CCN6: variants seen among roughly 807,000 people sequenced by gnomAD.
CCN6 encodes cellular communication network factor 6, also known as CCN family member 6.
CCN6 carries 31 observed loss-of-function variants against 37.4 expected under a neutral mutation model. That is an observed-to-expected ratio of 0.83 (90% CI 0.62 to 1.12). CCN6 has a LOEUF of 1.12. Among genes scored for constraint, CCN6 ranks in the 50% most tolerant of loss-of-function variants. CCN6 has a pLI of 0.00. For missense variants in CCN6, 369 were observed against 413.8 expected, an observed-to-expected ratio of 0.89 and a Z score of 0.94; for synonymous variants, 137 against 142.1, an observed-to-expected ratio of 0.96 and a Z score of 0.26.
chr6:112,069,202 G>C (rs1192899395), intron 4 of CCN6, 137 bp from the exon 5 acceptor site: 4 of 931,784 alleles, frequency 4.3e-6, no homozygotes, highest in South Asian at 1.7e-5. Context: ...AGGGTAAAGA[G>C]AGTGCTGGAA....
intron 1 of CCN6, among the ~76,000 whole-genome samples, chr6:112,060,681 C>A (rs1341400305): frequency 4.0e-5 from 6 of 151,890 alleles, no homozygotes; most frequent in African/African-American, 1.5e-4. Context: ...ACTTTAGAGG[C>A]CTTATCCATG....
Position 112,068,206 on chromosome 6 carries a change from T to G in CCN6, c.591T>G (p.Ala197=). ...TGTACTTTTCTCCCTTTGTTTTAGC[T>G]TATAGAAATCTCCCACTTATTTGGA... is the stretch of plus-strand genomic sequence containing the variant. ...QLSTSYKTMP[A]YRNLPLIWKK... is the part of the protein sequence containing the mutation. The change falls in exon 4 of 5, where the codon GCT becomes GCG. Residue 197 remains alanine (A), a splice_region_variant and synonymous_variant. Transcript: ENST00000368666. The G allele has an allele frequency of 6.2e-7, 1 of 1,609,814 alleles. No homozygotes were observed. Among genetic ancestry groups the G allele is most frequent in the Non-Finnish European group, 8.5e-7 (1 of 1,178,364 alleles).
intron 1 of CCN6, 82 bp downstream of exon 1, chr6:112,054,487 AGATG>A: frequency 2.3e-6 from 3 of 1,302,566 alleles, no homozygotes; most frequent in East Asian, 2.3e-5. Flanking sequence ...AACAAAACGA[AGATG>A]GAGGAAGAGG....
intron 1 of CCN6, 90 bp from the exon 2 acceptor site, chr6:112,060,901 T>A: frequency 3.4e-6 from 5 of 1,472,220 alleles, no homozygotes; most frequent in Non-Finnish European, 4.7e-6. Context: ...CACCACTCTG[T>A]ATACTACCTG....
chr6:112,059,988 C>T (rs1489774755), intron 1 of CCN6: 1 of 1,361,650 alleles, frequency 7.3e-7, no homozygotes, highest in Non-Finnish European at 9.8e-7. Context: ...TGAGCACAGA[C>T]CTAAAGAGAG....
intron 3 of CCN6, among the ~76,000 whole-genome samples, chr6:112,065,697 A>G (rs1384644917): frequency 6.6e-6 from 1 of 152,012 alleles, no homozygotes; most frequent in Non-Finnish European, 1.5e-5. Context: ...CCATGTATCT[A>G]TGTTCTCAGA....
intron 1 of CCN6, among the ~76,000 whole-genome samples, chr6:112,055,960 A>G (rs1030662552): frequency 6.6e-6 from 1 of 152,314 alleles, no homozygotes; most frequent in East Asian, 1.9e-4. Flanking sequence ...ATCCCATATT[A>G]CAGAGGAGAT....
chr6:112,052,980 C>T (rs1381816029), upstream of CCN6, among the ~76,000 whole-genome samples: 1 of 152,166 alleles, frequency 6.6e-6, no homozygotes, highest in African/African-American at 2.4e-5. Flanking sequence ...ACAGTAGTGA[C>T]TGCCTTGAAC....
intron 1 of CCN6, 175 bp downstream of exon 1, chr6:112,054,580 C>A: frequency 1.6e-6 from 1 of 642,576 alleles, no homozygotes; most frequent in Admixed American, 2.5e-5. Flanking sequence ...TGTGTTCGTT[C>A]ATGAGCTTCA....
At chr6:112,058,543 A>G (rs1182154053) in intron 1 of CCN6, among the ~76,000 whole-genome samples, 5 of 152,196 alleles carry the variant, frequency 3.3e-5, no homozygotes, top group Non-Finnish European at 5.9e-5. Flanking sequence ...TTACATGGGT[A>G]ATTTCAGTTT....
chr6:112,056,144 A>G (rs1248179944), intron 1 of CCN6, among the ~76,000 whole-genome samples: 2 of 152,168 alleles, frequency 1.3e-5, no homozygotes, highest in African/African-American at 2.4e-5. Context: ...GATTCTTTAT[A>G]TTTACCCACA....
Position 112,064,745 on chromosome 6 carries a change from C to T in CCN6, c.347-10C>T, listed in dbSNP as rs1583581459. 1 of 1,613,928 alleles carries T rather than the reference C, an allele frequency of 6.2e-7. No homozygotes were observed. The highest frequency in any genetic ancestry group is 1.7e-5 in the Admixed American group (1 of 60,010). On this transcript the variant is annotated splice_polypyrimidine_tract_variant and intron_variant, in intron 2 of 4. Transcript: ENST00000368666. ...GCTTCTTTGGCAATTTTGCTCTTTT[C>T]TCTTTTCAGACCTTGTAGCTGTTGG...
chr6:112,055,421 TAAACAA>T (rs1776318297), intron 1 of CCN6, among the ~76,000 whole-genome samples: 1 of 152,060 alleles, frequency 6.6e-6, no homozygotes, highest in Admixed American at 6.5e-5. Context: ...GTGTACAAAA[TAAACAA>T]CAACAAACAC....
At position 112,068,208 on chromosome 6, in the gene CCN6, A is replaced by G. The variant is rs1776757072; in HGVS notation, c.593A>G (p.Tyr198Cys). Residue 198 changes from tyrosine (Y) to cysteine (C), a missense_variant, in exon 4 of 5, where the codon TAT (tyrosine) becomes TGT (cysteine). Coordinates refer to ENST00000368666, the MANE Select transcript of CCN6 (RefSeq NM_198239.2). The part of the protein sequence containing the change: ...LSTSYKTMPA[Y>C]RNLPLIWKKK... ...TACTTTTCTCCCTTTGTTTTAGCTT[A>G]TAGAAATCTCCCACTTATTTGGAAA... 3.7e-6 allele frequency: 6 copies of G among 1,609,828 alleles called. No homozygotes were observed. The highest frequency in any genetic ancestry group is 1.3e-5 in the African/African-American group (1 of 74,748).
intron 3 of CCN6, 47 bp downstream of exon 3, chr6:112,065,044 C>A (rs1011722012): frequency 1.2e-6 from 2 of 1,611,928 alleles, no homozygotes; most frequent in East Asian, 4.5e-5. Context: ...TGGTGGTATT[C>A]CTTCATGTTC....
At position 112,061,160 on chromosome 6, in the gene CCN6, G is replaced by A; in HGVS notation, c.218G>A (p.Gly73Glu). 6.2e-7 allele frequency: 1 copy of A among 1,614,162 alleles called. No individual in the cohort carries two copies. ...PGVSLVRDGC[G>E]CCKICAKQPG... Reference sequence around the variant, plus strand: ...GTGAGCCTGGTGAGAGATGGCTGTGGATGCTGTAAAATCTGTGCCAAGCAA... The same window carrying A: ...GTGAGCCTGGTGAGAGATGGCTGTGAATGCTGTAAAATCTGTGCCAAGCAA... Residue 73 changes from glycine to glutamate, a missense_variant, in exon 2 of 5, where the codon GGA becomes GAA. Physicochemically the swap from Gly to Glu is moderately conservative, Grantham distance 98. Transcript: ENST00000368666.
In CCN6 at chr6:112,065,621, C is replaced by CAT. The variant is rs1562597714; in HGVS notation, c.589+624_589+625insAT. On this transcript the variant is annotated intron_variant, in intron 3 of 4. Transcript: ENST00000368666. ...ACACAAACACACACGCACACACACA[C>CAT]GCACGCACACACACACACACACAAA... Among the ~76,000 whole-genome samples, 34 of 128,894 alleles carry CAT rather than the reference C, an allele frequency of 2.6e-4. No individual in the cohort carries two copies. The East Asian group carries it at 6.6e-3, about 25-fold the overall frequency. 84.6% of individuals were successfully genotyped at this position (128,894 alleles called of 152,430 possible).
intron 3 of CCN6, among the ~76,000 whole-genome samples, chr6:112,065,556 C>T (rs1554313741): frequency 1.7e-5 from 2 of 114,628 alleles, no homozygotes; most frequent in Admixed American, 8.2e-5. Context: ...TTGTTAATCT[C>T]TCTGTAAACA....
rs1562597738 is a variant in CCN6 at position 112,065,624 on chromosome 6, A to ACACACACACACGCG, written c.589+628_589+629insACACACACACGCGC. ...CAAACACACACGCACACACACACGC[A>ACACACACACACGCG]CGCACACACACACACACACAAACAC... On this transcript the variant is annotated intron_variant, in intron 3 of 4. Transcript: ENST00000368666. Among the ~76,000 whole-genome samples, 178 of 88,088 alleles carry ACACACACACACGCG rather than the reference A, an allele frequency of 2.0e-3. 2 individuals carry two copies. Among genetic ancestry groups the ACACACACACACGCG allele is most frequent in the African/African-American group, 8.9e-3 (173 of 19,494 alleles). 57.8% of individuals were successfully genotyped at this position (88,088 alleles called of 152,430 possible).
Sources: allele counts gnomAD v4.1 joint callset (sites outside exome capture counted in the v4.1 genomes callset), GRCh38; gene constraint gnomAD v4.1.1; transcripts MANE v1.5; gene names NCBI Gene and HGNC (gene_info 2026-07-23, HGNC 2026-07-21).